The following RSU1 variants were observed in gnomAD, a reference collection of about 807,000 sequenced individuals.
RSU1 encodes the protein Ras suppressor protein 1.
Under a neutral mutation model 31.1 loss-of-function variants are expected in RSU1, and 26 were observed. The observed-to-expected ratio is 0.84, with a 90% CI of 0.61 to 1.16. The LOEUF (loss-of-function observed/expected upper bound fraction) is 1.16, where lower values mean the gene tolerates loss of function less well. RSU1 is among the 50% of genes most tolerant of loss of function. RSU1 has a pLI of 0.00. For missense variants in RSU1, 320 were observed against 339.1 expected (o/e 0.94, Z 0.44); for synonymous variants, 164 against 136.3 (o/e 1.20, Z -1.41).
intron 7 of RSU1, 143 bp downstream of exon 7, chr10:16,752,396 C>G: frequency 6.3e-6 from 4 of 635,510 alleles, no homozygotes; most frequent in Non-Finnish European, 1.1e-5. Flanking sequence ...TGGTCAATGA[C>G]AAATGGTTCT....
chr10:16,677,198 T>C (rs571166941), intron 8 of RSU1, among the ~76,000 whole-genome samples: 1 of 152,336 alleles, frequency 6.6e-6, no homozygotes, highest in Admixed American at 6.5e-5. Flanking sequence ...CAACGTTCTT[T>C]TAAACTGGCC....
At chr10:16,652,559 A>AACACACAC (rs754335619) in intron 8 of RSU1, among the ~76,000 whole-genome samples, 1 of 151,184 alleles carries the variant, frequency 6.6e-6, no homozygotes, top group Non-Finnish European at 1.5e-5. Context: ...TATACACACA[A>AACACACAC]ACACACACAC....
At chr10:16,729,561 C>T (rs1458078827) in intron 7 of RSU1, among the ~76,000 whole-genome samples, 3 of 152,130 alleles carry the variant, frequency 2.0e-5, no homozygotes, top group Admixed American at 6.5e-5. Context: ...GATCTGCCCG[C>T]CCCCGTCTTC....
intron 2 of RSU1, among the ~76,000 whole-genome samples, chr10:16,798,422 T>C (rs1465831266): frequency 6.6e-6 from 1 of 152,222 alleles, no homozygotes; most frequent in Admixed American, 6.5e-5. Context: ...CGGGTGGAGA[T>C]AACTGAATCA....
At chr10:16,666,141 A>G (rs191966576) in intron 8 of RSU1, among the ~76,000 whole-genome samples, 1 of 152,316 alleles carries the variant, frequency 6.6e-6, no homozygotes, top group African/African-American at 2.4e-5. Flanking sequence ...GGTTATTAAT[A>G]TAACTCAATT....
intron 2 of RSU1, among the ~76,000 whole-genome samples, chr10:16,814,858 C>T (rs1300375757): frequency 6.6e-6 from 1 of 152,092 alleles, no homozygotes; most frequent in Non-Finnish European, 1.5e-5. Flanking sequence ...TAATAAAAGC[C>T]AAGGCTTCAA....
At position 16,593,252 on chromosome 10, in the gene RSU1, T is replaced by G; in HGVS notation, c.*142A>C. ...TAGCAAAAGAATCTAAAAGGTAAGG[T>G]GGGAAGCATTAGAAAGAGAGTGAAA... On this transcript the variant is annotated 3_prime_UTR_variant, in exon 9 of 9. Transcript: ENST00000345264. 1 of 1,424,330 alleles carries G rather than the reference T, an allele frequency of 7.0e-7. No homozygotes were observed. Among genetic ancestry groups the G allele is most frequent in the Non-Finnish European group, 9.3e-7 (1 of 1,075,484 alleles). The allele number at this position is 1,424,330 out of a possible 1,614,324, so 88.2% of individuals were successfully genotyped here.
Position 16,695,167 on chromosome 10 carries a change from GAA to G in RSU1, c.599-14_599-13del, listed in dbSNP as rs1554767079. 21,392 of 1,296,346 alleles carry G rather than the reference GAA, an allele frequency of 0.017. 323 individuals are homozygous for G. The highest frequency in any genetic ancestry group is 0.031 in the South Asian group (2,242 of 72,000). The allele number at this position is 1,296,346 out of a possible 1,614,324, so 80.3% of individuals were successfully genotyped here. ...TAAATCCAAGTTTCCTGGGGGGGGGGAAAAAAAAAGTGAAGGTCACTTCATCC... is the reference window on the plus strand; with the variant it reads ...TAAATCCAAGTTTCCTGGGGGGGGGGAAAAAAAGTGAAGGTCACTTCATCC... On this transcript the variant is annotated splice_polypyrimidine_tract_variant and intron_variant, in intron 7 of 8. Coordinates refer to ENST00000345264, the MANE Select transcript of RSU1 (RefSeq NM_012425.4).
intron 4 of RSU1, among the ~76,000 whole-genome samples, chr10:16,761,483 C>T (rs1395413286): frequency 3.9e-5 from 6 of 152,178 alleles, no homozygotes; most frequent in Middle Eastern, 3.4e-3. Context: ...GACAGCCGCC[C>T]GCCTCACACT....
chr10:16,622,967 A>G (rs934113203), intron 8 of RSU1, among the ~76,000 whole-genome samples: 1 of 152,190 alleles, frequency 6.6e-6, no homozygotes, highest in African/African-American at 2.4e-5. Context: ...CTACAACTCA[A>G]CTTGAAAAAA....
intron 8 of RSU1, among the ~76,000 whole-genome samples, chr10:16,635,287 TTTC>T (rs1182802677): frequency 6.6e-6 from 1 of 152,174 alleles, no homozygotes; most frequent in Non-Finnish European, 1.5e-5. Context: ...TCTTTCTACT[TTTC>T]TTCTTCAGTC....
chr10:16,803,618 G>A (rs934585642), intron 2 of RSU1, among the ~76,000 whole-genome samples: 1 of 152,100 alleles, frequency 6.6e-6, no homozygotes, highest in African/African-American at 2.4e-5. Context: ...GTGTGGAGTT[G>A]GTGAAACAAT....
At chr10:16,685,259 C>T (rs1835420293) in intron 8 of RSU1, among the ~76,000 whole-genome samples, 1 of 152,122 alleles carries the variant, frequency 6.6e-6, no homozygotes, top group Admixed American at 6.5e-5. Flanking sequence ...CAAAACCAAA[C>T]AACACCAAAT....
At chr10:16,744,544 T>C (rs761325754) in intron 7 of RSU1, among the ~76,000 whole-genome samples, 1 of 152,194 alleles carries the variant, frequency 6.6e-6, no homozygotes, top group Non-Finnish European at 1.5e-5. Flanking sequence ...AATCAGTTAC[T>C]GCAAGTACTA....
At chr10:16,612,997 A>G (rs1177752338) in intron 8 of RSU1, among the ~76,000 whole-genome samples, 1 of 152,018 alleles carries the variant, frequency 6.6e-6, no homozygotes, top group Admixed American at 6.6e-5. Context: ...CTGAGAGAGC[A>G]TTAACAATGC....
intron 8 of RSU1, among the ~76,000 whole-genome samples, chr10:16,595,512 G>A (rs1310195310): frequency 6.6e-6 from 1 of 152,206 alleles, no homozygotes; most frequent in Non-Finnish European, 1.5e-5. Context: ...TGCACTCCAG[G>A]AAAAGGGGAG....
At chr10:16,757,972 G>C (rs1425277388) in intron 4 of RSU1, among the ~76,000 whole-genome samples, 1 of 152,210 alleles carries the variant, frequency 6.6e-6, no homozygotes, top group African/African-American at 2.4e-5. Context: ...CTGAGAGAGA[G>C]CTCCCACTCA....
intron 8 of RSU1, among the ~76,000 whole-genome samples, chr10:16,676,576 CCAGAAG>C (rs1455385008): frequency 6.6e-6 from 1 of 152,148 alleles, no homozygotes. Context: ...ATTCTTGGGA[CCAGAAG>C]TATTTTGGAT....
chr10:16,689,171 A>G (rs180922198), intron 8 of RSU1, among the ~76,000 whole-genome samples: 1 of 152,344 alleles, frequency 6.6e-6, no homozygotes, highest in African/African-American at 2.4e-5. Context: ...TGTTCAATTT[A>G]CTAACCACTA....
Sources: allele counts gnomAD v4.1 joint callset (sites outside exome capture counted in the v4.1 genomes callset), GRCh38; gene constraint gnomAD v4.1.1; transcripts MANE v1.5; gene names NCBI Gene and HGNC (gene_info 2026-07-23, HGNC 2026-07-21).